Variants in RPS12 observed in about 807,000 individuals in gnomAD.
RPS12 encodes the protein small ribosomal subunit protein eS12.
RPS12 carries 1 observed loss-of-function variant against 17.2 expected under a neutral mutation model. That is an observed-to-expected ratio of 0.06 (90% CI 0.02 to 0.28). The LOEUF (loss-of-function observed/expected upper bound fraction) is 0.28. Among genes scored for constraint, RPS12 ranks in the 10% least tolerant of loss-of-function variants. The pLI, the probability that RPS12 is intolerant of heterozygous loss-of-function variation, is 1.00. For synonymous variants in RPS12, 67 were observed against 54.0 expected, an observed-to-expected ratio of 1.24 and a Z score of -1.06; for missense variants, 146 against 162.1, an observed-to-expected ratio of 0.90 and a Z score of 0.54.
At chr6:132,816,414 T>C in intron 3 of RPS12, 47 bp from the exon 4 acceptor site, 3 of 1,412,494 alleles carry the variant, frequency 2.1e-6, no homozygotes, top group Middle Eastern at 1.8e-4. Context: ...GAATGATGGA[T>C]TTGGATCTGA....
Position 132,816,941 on chromosome 6 carries a change from T to C in RPS12, c.235-19T>C. 2.3e-6 allele frequency: 3 copies of C among 1,307,202 alleles called. No individual in the cohort carries two copies. Among genetic ancestry groups the C allele is most frequent in the Non-Finnish European group, 3.2e-6 (3 of 927,594 alleles). 81.0% of individuals were successfully genotyped at this position (1,307,202 alleles called of 1,614,324 possible). On this transcript the variant is annotated intron_variant, in intron 4 of 5. Transcript: ENST00000230050. ...TCTATTAATGTGATTTTTTTTTTTT[T>C]TAACCTTTCTCCCAATAGGTTGATG...
In RPS12 at chr6:132,814,918, G is replaced by GCTTTT. The variant is rs1782008884; in HGVS notation, c.15-54_15-53insCTTTT. The GCTTTT allele has an allele frequency of 3.5e-6, 5 of 1,409,758 alleles. No homozygotes were observed. In the East Asian group the frequency reaches 1.1e-4, roughly 32 times the overall value. The allele number at this position is 1,409,758 out of a possible 1,614,324, so 87.3% of individuals were successfully genotyped here. ...TACACTTAGCTTTTGCTGAGTGCAA[G>GCTTTT]GCCTTATGTGGTGTGAGGATTTTAA... On this transcript the variant is annotated intron_variant, in intron 2 of 5. Coordinates refer to ENST00000230050, the MANE Select transcript of RPS12 (RefSeq NM_001016.4).
chr6:132,816,329 G>C (rs531658564), intron 3 of RPS12, 132 bp from the exon 4 acceptor site: 10 of 647,506 alleles, frequency 1.5e-5, no homozygotes, highest in Non-Finnish European at 2.7e-5. Flanking sequence ...AATTTTGTAC[G>C]CATTTATGTG....
chr6:132,816,422 T>G (rs1562281007), intron 3 of RPS12, 39 bp from the exon 4 acceptor site: 1 of 1,475,460 alleles, frequency 6.8e-7, no homozygotes, highest in Non-Finnish European at 9.5e-7. Flanking sequence ...GATTTGGATC[T>G]GAGTTTTAGC....
chr6:132,816,351 G>T, intron 3 of RPS12, 110 bp from the exon 4 acceptor site: 1 of 749,850 alleles, frequency 1.3e-6, no homozygotes, highest in Non-Finnish European at 2.3e-6. Flanking sequence ...TCAGTGGATT[G>T]GCTGCTTATG....
At position 132,814,750 on chromosome 6, in the gene RPS12, T is replaced by A. The variant is rs755357029; in HGVS notation, c.-19T>A. 3 of 1,613,462 alleles carry A rather than the reference T, an allele frequency of 1.9e-6. No individual in the cohort carries two copies. Among genetic ancestry groups the A allele is most frequent in the Non-Finnish European group, 2.5e-6 (3 of 1,179,486 alleles). The stretch of plus-strand genomic sequence containing the variant: ...TTTTTAGTGCGTTCAAGATTCAACT[T>A]CACCCGTAACCCACCGCCATGGCCG... On this transcript the variant is annotated 5_prime_UTR_variant, in exon 2 of 6. Coordinates refer to ENST00000230050, the MANE Select transcript of RPS12 (RefSeq NM_001016.4).
At position 132,817,025 on chromosome 6, in the gene RPS12, C is replaced by A; in HGVS notation, c.300C>A (p.Pro100=). ...GTAAAATTGACAGAGAGGGGAAACC[C>A]CGTAAAGTGGTTGGTTGCAGTTGTG... is the stretch of plus-strand genomic sequence containing the variant. ...GLCKIDREGK[P]RKVVGCSCVV... Residue 100 remains proline (P), a synonymous_variant, in exon 5 of 6, where the codon CCC becomes CCA. Coordinates refer to ENST00000230050, the MANE Select transcript of RPS12 (RefSeq NM_001016.4). 1.9e-6 allele frequency: 3 copies of A among 1,612,138 alleles called. No individual in the cohort carries two copies. The highest frequency in any genetic ancestry group is 2.5e-6 in the Non-Finnish European group (3 of 1,179,386).
Position 132,817,488 on chromosome 6 carries a change from C to T in RPS12, c.345C>T (p.Gly115=). 6.2e-7 allele frequency: 1 copy of T among 1,605,844 alleles called. No individual in the cohort carries two copies. Among genetic ancestry groups the T allele is most frequent in the Non-Finnish European group, 8.5e-7 (1 of 1,174,482 alleles). The change falls in exon 6 of 6, where the codon GGC becomes GGT. Residue 115 remains glycine (G), a synonymous_variant. Transcript: ENST00000230050. The part of the protein sequence containing the change: ...GCSCVVVKDY[G]KESQAKDVIE... ...GTTTTGTTTTTTTTAAGGACTATGG[C>T]AAGGAGTCTCAGGCCAAGGATGTCA...
At chr6:132,817,358 GA>G in intron 5 of RPS12, 121 bp from the exon 6 acceptor site, 1 of 821,752 alleles carries the variant, frequency 1.2e-6, no homozygotes, top group South Asian at 1.3e-5. Context: ...AAATCTTAGT[GA>G]TGGGAAACAT....
chr6:132,814,996 C>T lies in RPS12; in HGVS notation c.39C>T (p.Asp13=), dbSNP rs142130624. The part of the protein sequence containing the change: ...EEGIAAGGVM[D]VNTALQEVLK... ...GCATTGCTGCTGGAGGTGTAATGGACGTTAATACTGCTTTACAAGAGGTTC... is the reference window on the plus strand; with the variant it reads ...GCATTGCTGCTGGAGGTGTAATGGATGTTAATACTGCTTTACAAGAGGTTC... The change falls in exon 3 of 6, where the codon GAC becomes GAT. Residue 13 remains aspartate, a synonymous_variant. Transcript: ENST00000230050. 6.2e-6 allele frequency: 10 copies of T among 1,611,752 alleles called. No homozygotes were observed. Among genetic ancestry groups the T allele is most frequent in the African/African-American group, 5.3e-5 (4 of 74,844 alleles).
Position 132,817,292 on chromosome 6 carries a change from A to G in RPS12, c.337-188A>G, listed in dbSNP as rs1372981636. Reference sequence around the variant, plus strand: ...TTTAAAAACTGGCAATAGTAAAGCCATGTTACGAGCCTTAAGGACATTGAA... The same window carrying G: ...TTTAAAAACTGGCAATAGTAAAGCCGTGTTACGAGCCTTAAGGACATTGAA... On this transcript the variant is annotated intron_variant, in intron 5 of 5. Transcript: ENST00000230050. 5.2e-6 allele frequency: 4 copies of G among 773,672 alleles called. 1 individual carries two copies. In the South Asian group the frequency reaches 5.4e-5, roughly 10 times the overall value. The allele number at this position is 773,672 out of a possible 1,614,324, so 47.9% of individuals were successfully genotyped here. A position where few individuals can be genotyped will look rare whatever the true frequency, so the allele number is the denominator to read the frequency against.
chr6:132,815,453 G>T (rs1163145321), intron 3 of RPS12: 1 of 473,418 alleles, frequency 2.1e-6, no homozygotes, highest in African/African-American at 2.0e-5. Context: ...ATTACATCTG[G>T]TAGTTTGCAA....
chr6:132,816,156 A>G (rs962716040), intron 3 of RPS12: 12 of 454,188 alleles, frequency 2.6e-5, no homozygotes, highest in African/African-American at 2.2e-4. Context: ...CTTTAGGTAT[A>G]TGAAGCTGGC....
intron 3 of RPS12, 75 bp downstream of exon 3, chr6:132,815,163 AGTTCATGGT>A: frequency 2.1e-6 from 2 of 960,612 alleles, no homozygotes; most frequent in Non-Finnish European, 3.4e-6. Context: ...GAAGGCATGG[AGTTCATGGT>A]GTTAGCGCAA....
chr6:132,814,605 A>T lies in RPS12; in HGVS notation c.-46A>T. On this transcript the variant is annotated 5_prime_UTR_variant, in exon 1 of 6. Transcript: ENST00000230050. ...CCGCCGCCGAGTCGCGCGGAGGCGG[A>T]GGCTTGGGGTAAGTTGAGCGAGGCG... 1.2e-6 allele frequency: 1 copy of T among 859,672 alleles called. No individual in the cohort carries two copies. 53.3% of individuals were successfully genotyped at this position (859,672 alleles called of 1,614,324 possible). A position where few individuals can be genotyped will look rare whatever the true frequency, so the allele number is the denominator to read the frequency against.
Position 132,815,100 on chromosome 6 carries a change from A to G in RPS12, c.131+12A>G. ...AAAGCCTTAGACAAGTACGTGTATC[A>G]GTCTCAATACTGTGGGTTCTTGCAA... On this transcript the variant is annotated intron_variant, in intron 3 of 5. Transcript: ENST00000230050. 2 of 1,534,348 alleles carry G rather than the reference A, an allele frequency of 1.3e-6. No homozygotes were observed. Among genetic ancestry groups the G allele is most frequent in the Non-Finnish European group, 1.8e-6 (2 of 1,107,304 alleles).
rs1189423744 is a variant in RPS12 at position 132,816,518 on chromosome 6, G to A, written c.189G>A (p.Lys63=). The A allele has an allele frequency of 5.0e-6, 8 of 1,605,246 alleles. No individual in the cohort carries two copies. Among genetic ancestry groups the A allele is most frequent in the Non-Finnish European group, 5.9e-6 (7 of 1,179,610 alleles). The change falls in exon 4 of 6, where the codon AAG becomes AAA. Residue 63 remains lysine (K), a synonymous_variant. Coordinates refer to ENST00000230050, the MANE Select transcript of RPS12 (RefSeq NM_001016.4). The part of the protein sequence containing the change: ...ASNCDEPMYV[K]LVEALCAEHQ... ...ACTGTGATGAGCCTATGTATGTCAA[G>A]TTGGTGGAGGCCCTTTGTGCTGAAC...
Position 132,817,199 on chromosome 6 carries a change from AAATAAAAGCTGT to A in RPS12, c.336+142_336+153del, listed in dbSNP as rs761770228. On this transcript the variant is annotated intron_variant, in intron 5 of 5. Coordinates refer to ENST00000230050, the MANE Select transcript of RPS12 (RefSeq NM_001016.4). Reference sequence around the variant, plus strand: ...AAGCATTTTCTGCATTTCAGGAAAAAAATAAAAGCTGTAATTTACAAGCCAGCCAATGAATCT... The same window carrying A: ...AAGCATTTTCTGCATTTCAGGAAAAAAATTTACAAGCCAGCCAATGAATCT... 79 of 781,134 alleles carry A rather than the reference AAATAAAAGCTGT, an allele frequency of 1.0e-4. 2 individuals carry two copies. The South Asian group carries it at 1.1e-3, about 11-fold the overall frequency. 48.4% of individuals were successfully genotyped at this position (781,134 alleles called of 1,614,324 possible). A position where few individuals can be genotyped will look rare whatever the true frequency, so the allele number is the denominator to read the frequency against.
intron 4 of RPS12, 152 bp from the exon 5 acceptor site, chr6:132,816,808 C>T (rs927947860): frequency 5.2e-6 from 4 of 772,418 alleles, no homozygotes; most frequent in Non-Finnish European, 7.1e-6. Flanking sequence ...TAGTGCTGTA[C>T]ATGATGACAA....
Sources: allele counts gnomAD v4.1 joint callset, GRCh38; gene constraint gnomAD v4.1.1; transcripts MANE v1.5; gene names NCBI Gene and HGNC (gene_info 2026-07-23, HGNC 2026-07-21).